DPP6: variants seen among roughly 807,000 people sequenced by gnomAD.
DPP6 encodes the protein A-type potassium channel modulatory protein DPP6.
A neutral mutation model predicts 122.6 loss-of-function variants in DPP6; 69 were observed. That is an observed-to-expected ratio of 0.56 (90% CI 0.46 to 0.69). DPP6 has a LOEUF of 0.69. DPP6 is among the 30% of genes least tolerant of loss of function. The pLI is 0.00. For synonymous variants in DPP6, 418 were observed against 433.1 expected (o/e 0.97, Z 0.43); for missense variants, 928 against 1,116.9 (o/e 0.83, Z 2.41).
chr7:153,769,538 A>G, the DPP6 span, among the ~76,000 whole-genome samples: 67,484 of 151,984 alleles, frequency 0.44, 15,288 homozygotes, highest in South Asian at 0.54. Context: ...GGACCAAGTA[A>G]AGACAGTAGG....
At chr7:154,588,078 C>T (rs768522856) in intron 5 of DPP6, 7 of 1,603,438 alleles carry the variant, frequency 4.4e-6, no homozygotes, top group East Asian at 4.5e-5. Flanking sequence ...AGAGAGCAAC[C>T]GAGTGAGCCT....
At chr7:154,059,026 AGAGGGG>A in intron 1 of DPP6, 1 of 139,576 alleles carries the variant, frequency 7.2e-6, no homozygotes, top group African/African-American at 2.8e-5. Context: ...CCCCCATCGC[AGAGGGG>A]GGAGGGACCC....
At chr7:154,437,767 C>T (rs570786391) in intron 1 of DPP6, among the ~76,000 whole-genome samples, 2 of 152,180 alleles carry the variant, frequency 1.3e-5, no homozygotes, top group South Asian at 2.1e-4. Flanking sequence ...GAAACCCAGT[C>T]TCTGCTAAAA....
At chr7:154,495,371 T>A (rs2151394796) in intron 3 of DPP6, among the ~76,000 whole-genome samples, 1 of 95,330 alleles carries the variant, frequency 1.0e-5, no homozygotes, top group East Asian at 3.3e-4. Context: ...TGTGTTTGGC[T>A]TTGGGGGGTT....
At chr7:154,299,516 G>A (rs867374817) in intron 1 of DPP6, among the ~76,000 whole-genome samples, 1 of 152,124 alleles carries the variant, frequency 6.6e-6, no homozygotes, top group Middle Eastern at 3.2e-3. Flanking sequence ...TGGGTTTTTT[G>A]TTGTTGTTGT....
the DPP6 span, among the ~76,000 whole-genome samples, chr7:153,832,590 C>T: frequency 1.7e-4 from 26 of 152,196 alleles, 1 homozygote; most frequent in Non-Finnish European, 3.1e-4. Flanking sequence ...GACTTAGATA[C>T]ATCATTTGCC....
At chr7:154,593,834 T>C (rs975191793) in intron 5 of DPP6, among the ~76,000 whole-genome samples, 4 of 152,236 alleles carry the variant, frequency 2.6e-5, no homozygotes, top group Non-Finnish European at 5.9e-5. Flanking sequence ...TACTCACAAA[T>C]GATCAAGCTA....
intron 1 of DPP6, among the ~76,000 whole-genome samples, chr7:154,426,463 G>A (rs1817920039): frequency 6.6e-6 from 1 of 152,158 alleles, no homozygotes; most frequent in Admixed American, 6.5e-5. Context: ...TGACTTCAGA[G>A]GAGTTTGCAG....
At chr7:154,860,332 C>G (rs1017831475) in intron 17 of DPP6, among the ~76,000 whole-genome samples, 4 of 152,174 alleles carry the variant, frequency 2.6e-5, no homozygotes, top group African/African-American at 9.7e-5. Context: ...CACTGTCACG[C>G]TACACGCCAA....
At chr7:154,230,518 A>G (rs1160648321) in intron 1 of DPP6, among the ~76,000 whole-genome samples, 3 of 152,176 alleles carry the variant, frequency 2.0e-5, no homozygotes, top group East Asian at 1.9e-4. Context: ...AACCTGGGTC[A>G]TAGCCCATGA....
chr7:154,196,872 C>G (rs1252826133), intron 1 of DPP6, among the ~76,000 whole-genome samples: 2 of 152,154 alleles, frequency 1.3e-5, no homozygotes, highest in African/African-American at 4.8e-5. Context: ...ATGGGATACT[C>G]TCCTTAATTA....
At chr7:154,023,179 G>T (rs1330677839) in intron 1 of DPP6, among the ~76,000 whole-genome samples, 1 of 151,852 alleles carries the variant, frequency 6.6e-6, no homozygotes, top group Non-Finnish European at 1.5e-5. Context: ...CCTGGGAAGT[G>T]ACAAAGGTGC....
At chr7:154,151,847 A>G (rs1374046150) in intron 1 of DPP6, among the ~76,000 whole-genome samples, 2 of 151,784 alleles carry the variant, frequency 1.3e-5, no homozygotes, top group African/African-American at 4.8e-5. Context: ...ACCTAAGGCA[A>G]CAGCAACATT....
At chr7:153,817,244 T>C in the DPP6 span, among the ~76,000 whole-genome samples, 1 of 147,670 alleles carries the variant, frequency 6.8e-6, no homozygotes, top group East Asian at 2.0e-4. Flanking sequence ...GAAAGAAGAG[T>C]TGGTCACCAG....
chr7:153,961,478 C>A lies in DPP6; in HGVS notation c.51+73744C>A, dbSNP rs1253195196. 2.0e-5 allele frequency among the ~76,000 whole-genome samples: 3 copies of A among 150,474 alleles called. No individual in the cohort carries two copies. The East Asian group carries it at 6.3e-4, about 31-fold the overall frequency. On this transcript the variant is annotated intron_variant, in intron 1 of 25. Coordinates refer to the DPP6 transcript ENST00000404039. Reference sequence around the variant, plus strand: ...CCCTCGCTGCTGTCTGTGAGTTTATCTGTGACCTGCTACAGCAGCAGTCCC... The same window carrying A: ...CCCTCGCTGCTGTCTGTGAGTTTATATGTGACCTGCTACAGCAGCAGTCCC...
the DPP6 span, among the ~76,000 whole-genome samples, chr7:153,856,759 G>A: frequency 6.6e-6 from 1 of 152,134 alleles, no homozygotes; most frequent in Non-Finnish European, 1.5e-5. Context: ...ACTCATAATG[G>A]CATAATATGT....
At chr7:154,141,321 C>T (rs181126323) in intron 1 of DPP6, among the ~76,000 whole-genome samples, 6 of 152,330 alleles carry the variant, frequency 3.9e-5, no homozygotes, top group African/African-American at 1.2e-4. Context: ...CCATATGCAC[C>T]TTACGACTCT....
intron 3 of DPP6, among the ~76,000 whole-genome samples, chr7:154,506,376 T>C (rs997448522): frequency 6.6e-6 from 1 of 152,156 alleles, no homozygotes; most frequent in African/African-American, 2.4e-5. Context: ...AGGAGAAATG[T>C]GTCTTTAGAG....
chr7:154,392,853 C>T (rs1041782335), intron 1 of DPP6, among the ~76,000 whole-genome samples: 7 of 152,162 alleles, frequency 4.6e-5, no homozygotes, highest in Non-Finnish European at 1.0e-4. Context: ...TCCCCAAAGT[C>T]CCATGGCAAA....
Sources: gnomAD v4.1 joint callset for allele counts (sites outside exome capture counted in the v4.1 genomes callset) on GRCh38, gnomAD v4.1.1 for gene constraint, MANE v1.5 for transcripts, NCBI Gene and HGNC (gene_info 2026-07-23, HGNC 2026-07-21) for gene names.